POLA1: variants seen among roughly 807,000 people sequenced by gnomAD.
POLA1 encodes the protein DNA polymerase alpha catalytic subunit.
POLA1 carries 15 observed loss-of-function variants against 124.0 expected under a neutral mutation model. The ratio of observed to expected loss-of-function variants is 0.12; its 90% confidence interval spans 0.08 to 0.19. POLA1 has a LOEUF of 0.19. Ranked by LOEUF, POLA1 falls within the 10% of genes least tolerant of loss-of-function variation. The probability of loss-of-function intolerance (pLI) is 1.00; values close to 1 mark genes in which losing one functional copy is unlikely to be tolerated. For synonymous variants in POLA1, 408 were observed against 389.4 expected (o/e 1.05, Z -0.56); for missense variants, 886 against 1,103.4 (o/e 0.80, Z 2.79).
intron 35 of POLA1, among the ~76,000 whole-genome samples, chrX:24,908,064 A>T (rs1333044095): frequency 9.0e-6 from 1 of 111,124 alleles, no homozygotes; most frequent in Non-Finnish European, 1.9e-5. Context: ...GCTAAATTAT[A>T]ATAAAATTTG....
chrX:24,868,190 A>G (rs11573444), intron 34 of POLA1, among the ~76,000 whole-genome samples: 10,927 of 111,632 alleles, frequency 0.098, 1,099 homozygotes, highest in African/African-American at 0.31. Context: ...CATAAGTGAA[A>G]TGTTTTTTAA....
Position 24,747,821 on chromosome X carries a change from G to A in POLA1, c.2692-490G>A, listed in dbSNP as rs773575527. Reference sequence around the variant, plus strand: ...GAGATCTCCGCTTACTGTAAGCTCCGCCTCCCGGGTTCACGCCATTCTCCT... The same window carrying A: ...GAGATCTCCGCTTACTGTAAGCTCCACCTCCCGGGTTCACGCCATTCTCCT... On this transcript the variant is annotated intron_variant, in intron 24 of 36. Coordinates refer to ENST00000379068, the MANE Select transcript of POLA1 (RefSeq NM_001330360.2). Among the ~76,000 whole-genome samples, 8 of 103,232 alleles carry A rather than the reference G, an allele frequency of 7.7e-5. No homozygotes were observed. In the South Asian group the frequency reaches 2.3e-3, roughly 30 times the overall value. The allele number at this position is 103,232 out of a possible 115,157, so 89.6% of individuals were successfully genotyped here. A position where few individuals can be genotyped will look rare whatever the true frequency, so the allele number is the denominator to read the frequency against.
intron 35 of POLA1, among the ~76,000 whole-genome samples, chrX:24,899,584 C>G (rs1195993807): frequency 8.9e-6 from 1 of 111,863 alleles, no homozygotes; most frequent in African/African-American, 3.3e-5. Flanking sequence ...CACTCCCAAA[C>G]AAAGACAGGT....
chrX:24,908,570 AT>A (rs889488249), intron 35 of POLA1, among the ~76,000 whole-genome samples: 2 of 109,931 alleles, frequency 1.8e-5, no homozygotes, highest in Non-Finnish European at 3.8e-5. Flanking sequence ...TGAACTCTTC[AT>A]TTTTTATGGC....
At chrX:24,709,109 A>T (rs1602255255) in intron 4 of POLA1, among the ~76,000 whole-genome samples, 5 of 62,763 alleles carry the variant, frequency 8.0e-5, no homozygotes, top group Admixed American at 5.0e-4. Context: ...CTGGCCGGGC[A>T]GAGGGGCTCC....
chrX:24,978,317 C>T (rs189005515), intron 36 of POLA1, among the ~76,000 whole-genome samples: 3 of 111,870 alleles, frequency 2.7e-5, no homozygotes, highest in Non-Finnish European at 5.6e-5. Flanking sequence ...GTGTACTATC[C>T]TTTGAACGTT....
At chrX:24,951,598 G>A (rs922799471) in intron 36 of POLA1, among the ~76,000 whole-genome samples, 1 of 110,604 alleles carries the variant, frequency 9.0e-6, no homozygotes, top group African/African-American at 3.3e-5. Flanking sequence ...TGCAGTGACA[G>A]GTTTATTTAT....
At chrX:24,941,708 T>A (rs781495200) in intron 36 of POLA1, among the ~76,000 whole-genome samples, 2 of 112,482 alleles carry the variant, frequency 1.8e-5, no homozygotes, top group Non-Finnish European at 3.7e-5. Flanking sequence ...TCTTACCTTG[T>A]GGCTAACAGG....
intron 35 of POLA1, among the ~76,000 whole-genome samples, chrX:24,929,648 T>C (rs1489684874): frequency 8.9e-6 from 1 of 112,101 alleles, no homozygotes; most frequent in Non-Finnish European, 1.9e-5. Context: ...TGCATTTGAA[T>C]GTGACTCCCC....
intron 4 of POLA1, among the ~76,000 whole-genome samples, chrX:24,709,490 A>G (rs1219684252): frequency 5.0e-5 from 4 of 79,646 alleles, no homozygotes; most frequent in Admixed American, 1.4e-4. Context: ...GCGGGGGCTG[A>G]CCCCCCCCAC....
chrX:24,854,169 C>G, intron 34 of POLA1, among the ~76,000 whole-genome samples: 1 of 111,079 alleles, frequency 9.0e-6, no homozygotes, highest in Non-Finnish European at 1.9e-5. Context: ...CCTCAGCCTC[C>G]TGAGTACCTG....
intron 35 of POLA1, among the ~76,000 whole-genome samples, chrX:24,915,528 C>T (rs1025463296): frequency 5.4e-5 from 6 of 111,559 alleles, no homozygotes; most frequent in African/African-American, 2.0e-4. Flanking sequence ...TATGAAGTTG[C>T]TCTATAAAAG....
Position 24,784,286 on chromosome X carries a change from C to T in POLA1, c.2965-25612C>T, listed in dbSNP as rs759283114. On this transcript the variant is annotated intron_variant, in intron 26 of 36. Coordinates refer to ENST00000379068, the MANE Select transcript of POLA1 (RefSeq NM_001330360.2). ...CACTCTGGTCTCGAACTCCTAACCTCGTGATTCGCCCACCTTAGCCTCCCA... is the reference window on the plus strand; with the variant it reads ...CACTCTGGTCTCGAACTCCTAACCTTGTGATTCGCCCACCTTAGCCTCCCA... Among the ~76,000 whole-genome samples, 6 of 109,401 alleles carry T rather than the reference C, an allele frequency of 5.5e-5. No individual in the cohort carries two copies. The East Asian group carries it at 1.4e-3, about 26-fold the overall frequency.
At position 24,849,109 on chromosome X, in the gene POLA1, C is replaced by G. The variant is rs921473238; in HGVS notation, c.4047+5432C>G. Among the ~76,000 whole-genome samples the G allele has an allele frequency of 7.1e-5, 8 of 112,801 alleles. No individual in the cohort carries two copies. The Admixed American group carries it at 7.5e-4, about 11-fold the overall frequency. ...CACTTTTGGAATTATTGTTTATTTCCTTGCTTCTGCATTTATATTTAGAAC... is the reference window on the plus strand; with the variant it reads ...CACTTTTGGAATTATTGTTTATTTCGTTGCTTCTGCATTTATATTTAGAAC... On this transcript the variant is annotated intron_variant, in intron 34 of 36. Coordinates refer to ENST00000379068, the MANE Select transcript of POLA1 (RefSeq NM_001330360.2).
At chrX:24,779,464 T>C (rs373209366) in intron 26 of POLA1, among the ~76,000 whole-genome samples, 7 of 112,411 alleles carry the variant, frequency 6.2e-5, no homozygotes, top group African/African-American at 2.3e-4. Flanking sequence ...GCAAATGATA[T>C]TGTTTTGTTC....
At chrX:24,756,691 C>T (rs1047598439) in intron 26 of POLA1, among the ~76,000 whole-genome samples, 1 of 111,425 alleles carries the variant, frequency 9.0e-6, no homozygotes, top group African/African-American at 3.3e-5. Context: ...TGTGTCTGTG[C>T]ATATGTGTAC....
intron 32 of POLA1, among the ~76,000 whole-genome samples, chrX:24,836,099 A>T (rs1352054704): frequency 8.9e-6 from 1 of 111,947 alleles, no homozygotes; most frequent in African/African-American, 3.2e-5. Context: ...AACATAGATG[A>T]GGTGGATTTT....
intron 26 of POLA1, among the ~76,000 whole-genome samples, chrX:24,794,147 T>C (rs748682063): frequency 9.1e-6 from 1 of 110,267 alleles, no homozygotes; most frequent in South Asian, 4.0e-4. Context: ...TGGCTAATTT[T>C]TGTATTTTTT....
intron 36 of POLA1, among the ~76,000 whole-genome samples, chrX:24,950,866 C>G (rs1170409035): frequency 4.5e-5 from 5 of 111,977 alleles, no homozygotes; most frequent in Non-Finnish European, 9.4e-5. Context: ...ACTTAACATT[C>G]TCTGATAATT....
Sources: gnomAD v4.1 joint callset for allele counts (sites outside exome capture counted in the v4.1 genomes callset) on GRCh38, gnomAD v4.1.1 for gene constraint, MANE v1.5 for transcripts, NCBI Gene and HGNC (gene_info 2026-07-23, HGNC 2026-07-21) for gene names.